The following MYH11 variants were observed in gnomAD, a reference collection of about 807,000 sequenced individuals.
The protein encoded by MYH11 is myosin-11.
A neutral mutation model predicts 246.6 loss-of-function variants in MYH11; 80 were observed. That is an observed-to-expected ratio of 0.32 (90% CI 0.27 to 0.39). The LOEUF is 0.39. Ranked by LOEUF, MYH11 falls within the 10% of genes least tolerant of loss-of-function variation. The pLI, the probability that MYH11 is intolerant of heterozygous loss-of-function variation, is 1.00. For synonymous variants in MYH11, 1,071 were observed against 1,015.5 expected (o/e 1.05, Z -1.04); for missense variants, 2,158 against 2,546.8 (o/e 0.85, Z 3.29).
intron 19 of MYH11, among the ~76,000 whole-genome samples, chr16:15,745,582 C>CTTTTTTTTTTTTTTTTTTTT (rs71981525): frequency 1.1e-5 from 1 of 94,412 alleles, no homozygotes; most frequent in Non-Finnish European, 2.1e-5. Context: ...TTCTTTCTTT[C>CTTTTTTTTTTTTTTTTTTTT]TTTTTTTTTT....
At chr16:15,731,514 TGGC>T (rs1347364393) in intron 27 of MYH11, among the ~76,000 whole-genome samples, 2 of 151,786 alleles carry the variant, frequency 1.3e-5, no homozygotes, top group Non-Finnish European at 2.9e-5. Flanking sequence ...TTTTTTGAGA[TGGC>T]GGCTCACTCT....
intron 3 of MYH11, among the ~76,000 whole-genome samples, chr16:15,808,591 C>T (rs914617158): frequency 6.6e-6 from 1 of 152,102 alleles, no homozygotes; most frequent in African/African-American, 2.4e-5. Flanking sequence ...TACAGGAAGC[C>T]CTGGTATTGT....
chr16:15,837,181 T>C (rs1176138415), intron 2 of MYH11, among the ~76,000 whole-genome samples: 1 of 152,148 alleles, frequency 6.6e-6, no homozygotes, highest in African/African-American at 2.4e-5. Flanking sequence ...AAGGAAGGCC[T>C]CCCTAAAACC....
chr16:15,717,457 C>T, intron 37 of MYH11, 109 bp from the exon 38 acceptor site: 1 of 1,133,194 alleles, frequency 8.8e-7, no homozygotes, highest in Non-Finnish European at 1.3e-6. Context: ...TCCCTTGATC[C>T]CGGGCACCCT....
chr16:15,771,605 T>C lies in MYH11; in HGVS notation c.997A>G (p.Met333Val). The change falls in exon 9 of 41, where the codon ATG becomes GTG. Residue 333 changes from methionine (M) to valine (V), a missense_variant. Transcript: ENST00000300036. ...TCCTCGCTGAAACCCATGATTGCCA[T>C]GGCCTCCACGGTTTCCTGGAACATC... Reference protein sequence around the residue: ...DEMFQETVEAMAIMGFSEEEQ... With the variant: ...DEMFQETVEAVAIMGFSEEEQ... 4 of 1,614,050 alleles carry C rather than the reference T, an allele frequency of 2.5e-6. No homozygotes were observed. Among genetic ancestry groups the C allele is most frequent in the Non-Finnish European group, 3.4e-6 (4 of 1,180,016 alleles).
intron 2 of MYH11, 134 bp from the exon 3 acceptor site, chr16:15,823,545 G>T: frequency 9.0e-7 from 1 of 1,109,492 alleles, no homozygotes; most frequent in Non-Finnish European, 1.4e-6. Context: ...GGGCCTCACT[G>T]ATATTCCAGG....
At chr16:15,718,284 A>C (rs769891293) in intron 37 of MYH11, 31 bp downstream of exon 37, 1 of 1,606,474 alleles carries the variant, frequency 6.2e-7, no homozygotes, top group Non-Finnish European at 8.5e-7. Flanking sequence ...GACAGTAGGC[A>C]GCGTGACTGT....
At chr16:15,841,072 T>C (rs769834612) in intron 1 of MYH11, among the ~76,000 whole-genome samples, 3 of 152,164 alleles carry the variant, frequency 2.0e-5, no homozygotes, top group Non-Finnish European at 1.5e-5. Context: ...TAATTATATG[T>C]CCATCACCCT....
intron 3 of MYH11, among the ~76,000 whole-genome samples, chr16:15,821,454 G>A (rs2043407870): frequency 6.6e-6 from 1 of 152,128 alleles, no homozygotes; most frequent in Non-Finnish European, 1.5e-5. Context: ...AGTTTTTCTA[G>A]AATGAATATA....
chr16:15,730,498 C>T (rs1052391402), intron 27 of MYH11, among the ~76,000 whole-genome samples: 1 of 151,980 alleles, frequency 6.6e-6, no homozygotes, highest in Non-Finnish European at 1.5e-5. Flanking sequence ...GCCAAGATCA[C>T]GCCACTGAAC....
intron 40 of MYH11, among the ~76,000 whole-genome samples, chr16:15,705,117 A>G (rs1050625114): frequency 6.6e-5 from 10 of 152,290 alleles, no homozygotes; most frequent in African/African-American, 1.7e-4. Context: ...AGCTGGGACT[A>G]CATGCACGTG....
rs1267658886 is a variant in MYH11, at chr16:15,750,215, G to C, written c.1981C>G (p.Leu661Val). Residue 661 changes from leucine (L) to valine (V), a missense_variant, in exon 16 of 41, where the codon CTG (leucine) becomes GTG (valine). Transcript: ENST00000300036. The surrounding 1 kb of genome is among the most constrained non-coding windows in gnomAD (Gnocchi z 4.3). ...CGTAGCGTGGTCATCAGCTTGCCCA[G>C]CTGCTCCTTGTACAGCTGCCCCACT... ...RTVGQLYKEQ[L>V]GKLMTTLRNT... 8.7e-6 allele frequency: 14 copies of C among 1,614,240 alleles called. No homozygotes were observed. Among genetic ancestry groups the C allele is most frequent in the Non-Finnish European group, 1.0e-5 (12 of 1,180,044 alleles).
intron 40 of MYH11, among the ~76,000 whole-genome samples, chr16:15,711,551 T>C (rs1323978533): frequency 6.6e-6 from 1 of 152,206 alleles, no homozygotes; most frequent in Non-Finnish European, 1.5e-5. Context: ...TCATGTATGA[T>C]TAAAACTGTT....
intron 8 of MYH11, among the ~76,000 whole-genome samples, chr16:15,774,131 G>A (rs1436521923): frequency 3.3e-5 from 5 of 152,214 alleles, no homozygotes; most frequent in African/African-American, 4.8e-5. Context: ...TAAATTGACT[G>A]AAGGCACCAG....
chr16:15,753,513 C>G lies in MYH11; in HGVS notation c.1750-5G>C. The G allele has an allele frequency of 6.2e-7, 1 of 1,610,464 alleles. No homozygotes were observed. Among genetic ancestry groups the G allele is most frequent in the Non-Finnish European group, 8.5e-7 (1 of 1,176,658 alleles). ...GGCACTCGCATTATAGTCCACCTGC[C>G]AAGGACACCCTGCTGGTCAGAACCC... On this transcript the variant is annotated splice_polypyrimidine_tract_variant and splice_region_variant and intron_variant, in intron 14 of 40. Coordinates refer to ENST00000300036, the MANE Select transcript of MYH11 (RefSeq NM_002474.3).
chr16:15,786,394 T>A (rs1001338345), intron 5 of MYH11: 1 of 718,662 alleles, frequency 1.4e-6, no homozygotes, highest in African/African-American at 1.7e-5. Flanking sequence ...AAAGGGCTTA[T>A]TCTCATTTCA....
At chr16:15,777,279 G>A (rs898102492) in intron 7 of MYH11, among the ~76,000 whole-genome samples, 6 of 152,060 alleles carry the variant, frequency 3.9e-5, no homozygotes, top group African/African-American at 1.2e-4. Flanking sequence ...ATGCCACCAC[G>A]CCTGGATAAT....
At chr16:15,719,101 C>T in intron 36 of MYH11, 119 bp downstream of exon 36, 1 of 991,698 alleles carries the variant, frequency 1.0e-6, no homozygotes, top group East Asian at 2.6e-5. Context: ...GCCCTCCAGC[C>T]TGGGTGACAG....
chr16:15,793,945 C>CTTT (rs61625627), intron 4 of MYH11, among the ~76,000 whole-genome samples: 14 of 70,230 alleles, frequency 2.0e-4, no homozygotes, highest in Non-Finnish European at 3.2e-4. Flanking sequence ...CTTTTCTTTT[C>CTTT]TTTTTTTTTT....
Sources: allele counts gnomAD v4.1 joint callset (sites outside exome capture counted in the v4.1 genomes callset), GRCh38; gene constraint gnomAD v4.1.1; non-coding constraint Gnocchi (gnomAD v3.1); transcripts MANE v1.5; gene names NCBI Gene and HGNC (gene_info 2026-07-23, HGNC 2026-07-21).